The following STRBP variants were observed in gnomAD, a reference collection of about 807,000 sequenced individuals.
The protein encoded by STRBP is spermatid perinuclear RNA binding protein.
In STRBP, 13 loss-of-function variants were observed where a neutral mutation model predicts 80.1. That is an observed-to-expected ratio of 0.16 (90% CI 0.11 to 0.26). STRBP has a LOEUF of 0.26. Ranked by LOEUF, STRBP falls within the 10% of genes least tolerant of loss-of-function variation. The pLI is 1.00. For missense variants in STRBP, 485 were observed against 815.2 expected (o/e 0.59, Z 4.93); for synonymous variants, 284 against 291.2 (o/e 0.98, Z 0.25).
At chr9:123,146,358 A>G (rs2132349585) in intron 13 of STRBP, among the ~76,000 whole-genome samples, 1 of 152,168 alleles carries the variant, frequency 6.6e-6, no homozygotes, top group East Asian at 1.9e-4. Flanking sequence ...ACAATCTGGA[A>G]TAAGCAAAAT....
intron 17 of STRBP, among the ~76,000 whole-genome samples, chr9:123,129,763 G>A (rs201861042): frequency 6.6e-6 from 1 of 152,162 alleles, no homozygotes; most frequent in Non-Finnish European, 1.5e-5. Flanking sequence ...TTGAGACAAC[G>A]CATTCAAATG....
chr9:123,252,660 A>G (rs1005318842), intron 1 of STRBP, among the ~76,000 whole-genome samples: 2 of 152,240 alleles, frequency 1.3e-5, no homozygotes, highest in Admixed American at 1.3e-4. Flanking sequence ...ACTTCTTTGG[A>G]TAACTATCAA....
Position 123,158,096 on chromosome 9 carries a change from G to C in STRBP, c.961C>G (p.Gln321Glu). Reference sequence around the variant, plus strand: ...TCCATCTCCAGCACTTTGTAAATCTGGCCAAAGGCTGATAGTCTGAGTGCA... The same window carrying C: ...TCCATCTCCAGCACTTTGTAAATCTCGCCAAAGGCTGATAGTCTGAGTGCA... ...QHALRLSAFG[Q>E]IYKVLEMDPL... The change falls in exon 11 of 19, where the codon CAG (glutamine) becomes GAG (glutamate). Residue 321 changes from glutamine (Q) to glutamate (E), a missense_variant. Physicochemically the swap from Gln to Glu is conservative, Grantham distance 29. This residue lies in a region of STRBP where 377 missense variants were observed against 616.1 expected (regional missense o/e 0.61). Coordinates refer to ENST00000348403, the MANE Select transcript of STRBP (RefSeq NM_018387.5). 6.2e-7 allele frequency: 1 copy of C among 1,608,446 alleles called. No homozygotes were observed. Among genetic ancestry groups the C allele is most frequent in the East Asian group, 2.2e-5 (1 of 44,758 alleles).
At chr9:123,250,297 C>T (rs1000260348) in intron 1 of STRBP, among the ~76,000 whole-genome samples, 7 of 152,152 alleles carry the variant, frequency 4.6e-5, no homozygotes, top group Admixed American at 3.9e-4. Context: ...GTAAGTTAGG[C>T]ATTAGTGAGA....
chr9:123,112,348 C>T lies in STRBP; in HGVS notation c.*85-2595G>A, dbSNP rs144895636. The T allele has an allele frequency of 2.5e-3, 423 of 167,362 alleles. 2 individuals carry two copies. Among genetic ancestry groups the T allele is most frequent in the Non-Finnish European group, 4.4e-3 (297 of 68,222 alleles). 10.4% of individuals were successfully genotyped at this position (167,362 alleles called of 1,614,324 possible). A position where few individuals can be genotyped will look rare whatever the true frequency, so the allele number is the denominator to read the frequency against. On this transcript the variant is annotated intron_variant and NMD_transcript_variant, in intron 3 of 3. Coordinates refer to the STRBP transcript ENST00000471564. ...CTGCCCCGCGGGGCTGCTGGGGCTT[C>T]GCTGAATCAGCGCCTGTGGAGGCGC... is the stretch of plus-strand genomic sequence containing the variant.
chr9:123,223,829 G>C (rs2040151024), intron 2 of STRBP, among the ~76,000 whole-genome samples: 1 of 151,900 alleles, frequency 6.6e-6, no homozygotes, highest in Non-Finnish European at 1.5e-5. Context: ...GAAATTACAG[G>C]GAACAGTTCA....
chr9:123,141,353 G>A lies in STRBP; in HGVS notation c.1339-1666C>T, dbSNP rs923747668. Among the ~76,000 whole-genome samples, 3 of 152,276 alleles carry A rather than the reference G, an allele frequency of 2.0e-5. No homozygotes were observed. The East Asian group carries it at 5.8e-4, about 29-fold the overall frequency. ...TTTGCTTGGGAGTAAAGCCAAGAAC[G>A]CTTTTTTAACATCTTAAGTTCTAAA... On this transcript the variant is annotated intron_variant, in intron 13 of 18. Transcript: ENST00000348403.
At chr9:123,250,971 A>T (rs552718079) in intron 1 of STRBP, among the ~76,000 whole-genome samples, 27 of 151,804 alleles carry the variant, frequency 1.8e-4, no homozygotes, top group Admixed American at 3.9e-4. Context: ...AAAACAAAAA[A>T]TTTTTTTTTA....
At chr9:123,247,909 GA>G (rs2040831031) in intron 1 of STRBP, among the ~76,000 whole-genome samples, 1 of 151,966 alleles carries the variant, frequency 6.6e-6, no homozygotes, top group African/African-American at 2.4e-5. Context: ...TGAAAAAGTT[GA>G]AAAAAACAAC....
intron 2 of STRBP, 44 bp from the exon 3 acceptor site, chr9:123,184,342 A>G (rs1479467167): frequency 4.5e-6 from 2 of 444,714 alleles, no homozygotes; most frequent in East Asian, 6.8e-5. Context: ...CTTATTTACT[A>G]TTAGCTTCCA....
At chr9:123,197,834 C>T (rs2039158545) in intron 2 of STRBP, among the ~76,000 whole-genome samples, 1 of 151,828 alleles carries the variant, frequency 6.6e-6, no homozygotes, top group Non-Finnish European at 1.5e-5. Context: ...GCCACCATGT[C>T]CCGCTAATTT....
intron 14 of STRBP, 85 bp downstream of exon 14, chr9:123,139,438 CTTTTGA>C (rs1440257412): frequency 4.6e-6 from 5 of 1,087,796 alleles, no homozygotes; most frequent in East Asian, 2.9e-5. Context: ...TTTGCATATG[CTTTTGA>C]TTTTATTTAT....
At chr9:123,190,052 G>A (rs968744625) in intron 2 of STRBP, among the ~76,000 whole-genome samples, 1 of 152,182 alleles carries the variant, frequency 6.6e-6, no homozygotes, top group East Asian at 1.9e-4. Context: ...GGCAGAGATG[G>A]GTGGATCACT....
intron 1 of STRBP, among the ~76,000 whole-genome samples, chr9:123,262,181 C>T (rs1208649099): frequency 6.6e-6 from 1 of 152,142 alleles, no homozygotes; most frequent in Non-Finnish European, 1.5e-5. Context: ...ACTAAGAAAT[C>T]TTAGGTCTGG....
At chr9:123,141,705 G>T (rs977476358) in intron 13 of STRBP, among the ~76,000 whole-genome samples, 2 of 152,066 alleles carry the variant, frequency 1.3e-5, no homozygotes, top group African/African-American at 4.8e-5. Flanking sequence ...TCACATATCA[G>T]ATTCACTTAT....
At chr9:123,163,093 T>C (rs2132404715) in intron 6 of STRBP, among the ~76,000 whole-genome samples, 1 of 152,332 alleles carries the variant, frequency 6.6e-6, no homozygotes, top group Admixed American at 6.5e-5. Context: ...ATGAATACTA[T>C]GACAAGCTAA....
At chr9:123,163,212 G>C (rs554340607) in intron 6 of STRBP, among the ~76,000 whole-genome samples, 9 of 152,316 alleles carry the variant, frequency 5.9e-5, no homozygotes, top group African/African-American at 2.2e-4. Context: ...AATTCTTCTT[G>C]TACTTTCTAA....
intron 2 of STRBP, among the ~76,000 whole-genome samples, chr9:123,189,081 T>C (rs2038816818): frequency 6.6e-6 from 1 of 152,044 alleles, no homozygotes; most frequent in Admixed American, 6.6e-5. Context: ...AATGATAGAC[T>C]GGATTAAGAA....
At position 123,126,552 on chromosome 9, in the gene STRBP, G is replaced by A. The variant is rs2035901721; in HGVS notation, c.1943-879C>T. On this transcript the variant is annotated intron_variant, in intron 18 of 18. Transcript: ENST00000348403. This position sits in a 1 kb window ranked among gnomAD's most constrained non-coding sequence, Gnocchi z 4.4. ...GGGGCTCAGAGGGCACAGGGTGAAA[G>A]TATAATGTTAAAGGAGGAAAGGGAG... Among the ~76,000 whole-genome samples, 1 of 152,002 alleles carries A rather than the reference G, an allele frequency of 6.6e-6. No homozygotes were observed. Among genetic ancestry groups the A allele is most frequent in the Non-Finnish European group, 1.5e-5 (1 of 67,992 alleles).
Sources: gnomAD v4.1 joint callset for allele counts (sites outside exome capture counted in the v4.1 genomes callset) on GRCh38, gnomAD v4.1.1 for gene constraint, gnomAD v4.1.1 regional missense constraint, Gnocchi (gnomAD v3.1) non-coding constraint, MANE v1.5 for transcripts, NCBI Gene and HGNC (gene_info 2026-07-23, HGNC 2026-07-21) for gene names.